The following ATG7 variants were observed in gnomAD, a reference collection of about 807,000 sequenced individuals.
ATG7 encodes the protein ubiquitin-like modifier-activating enzyme ATG7.
A neutral mutation model predicts 82.4 loss-of-function variants in ATG7; 70 were observed. The observed-to-expected ratio is 0.85, with a 90% confidence interval of 0.70 to 1.04. ATG7 has a LOEUF of 1.04. Among genes scored for constraint, ATG7 ranks in the 50% least tolerant of loss-of-function variants. The probability of loss-of-function intolerance (pLI) is 0.00; values close to 1 mark genes in which losing one functional copy is unlikely to be tolerated. For synonymous variants in ATG7, 287 were observed against 313.0 expected, an observed-to-expected ratio of 0.92 and a Z score of 0.88; for missense variants, 792 against 864.3, an observed-to-expected ratio of 0.92 and a Z score of 1.05.
chr3:11,423,098 C>T (rs923093810), intron 19 of ATG7, among the ~76,000 whole-genome samples: 7 of 152,240 alleles, frequency 4.6e-5, no homozygotes, highest in African/African-American at 1.2e-4. Context: ...ATGTGTGACT[C>T]TTCCTTTCAC....
rs982862231 is a variant in ATG7 at position 11,557,600 on chromosome 3, C to G, written c.*2757C>G. The G allele has an allele frequency of 2.8e-4, 43 of 152,662 alleles. No homozygotes were observed. Among genetic ancestry groups the G allele is most frequent in the African/African-American group, 9.9e-4 (41 of 41,462 alleles). 9.5% of individuals were successfully genotyped at this position (152,662 alleles called of 1,614,324 possible). A position where few individuals can be genotyped will look rare whatever the true frequency, so the allele number is the denominator to read the frequency against. ...AATATCAAATACCAATCTTAGAGTACAACTGTACCAGCAGTAAGTATATCT... is the reference window on the plus strand; with the variant it reads ...AATATCAAATACCAATCTTAGAGTAGAACTGTACCAGCAGTAAGTATATCT... On this transcript the variant is annotated 3_prime_UTR_variant, in exon 21 of 21. Transcript: ENST00000693202.
At chr3:11,431,935 G>A (rs1361626692) in intron 20 of ATG7, among the ~76,000 whole-genome samples, 1 of 152,220 alleles carries the variant, frequency 6.6e-6, no homozygotes, top group Non-Finnish European at 1.5e-5. Context: ...AGATTGACTA[G>A]TGCAACCCAA....
chr3:11,484,496 C>A (rs554248194), intron 20 of ATG7, among the ~76,000 whole-genome samples: 1 of 152,304 alleles, frequency 6.6e-6, no homozygotes, highest in East Asian at 1.9e-4. Context: ...TAATTTAGGA[C>A]AAAATTGGCA....
intron 18 of ATG7, among the ~76,000 whole-genome samples, chr3:11,366,976 T>TGC (rs1328888123): frequency 1.6e-5 from 2 of 127,310 alleles, no homozygotes; most frequent in African/African-American, 6.3e-5. Context: ...AAAAGCTGTG[T>TGC]GTGTGTGTGT....
At chr3:11,503,091 A>C (rs982476364) in intron 20 of ATG7, among the ~76,000 whole-genome samples, 12 of 152,132 alleles carry the variant, frequency 7.9e-5, no homozygotes, top group Non-Finnish European at 2.9e-5. Flanking sequence ...AGGCTCAAAT[A>C]CCTTCCAGGC....
intron 2 of ATG7, among the ~76,000 whole-genome samples, chr3:11,281,321 T>A (rs754852825): frequency 1.3e-5 from 2 of 152,226 alleles, no homozygotes; most frequent in Non-Finnish European, 2.9e-5. Context: ...ATCAGTATAT[T>A]ACAACATTTC....
intron 20 of ATG7, among the ~76,000 whole-genome samples, chr3:11,535,301 C>A (rs985360205): frequency 3.3e-5 from 5 of 152,220 alleles, no homozygotes; most frequent in Non-Finnish European, 7.3e-5. Context: ...ACCTGCCTGG[C>A]TGGACTGAAG....
intron 19 of ATG7, among the ~76,000 whole-genome samples, chr3:11,417,515 A>G (rs767191372): frequency 3.9e-4 from 60 of 152,238 alleles, no homozygotes; most frequent in Non-Finnish European, 4.7e-4. Flanking sequence ...TAGTGTTAGC[A>G]TGGCGTATTT....
intron 11 of ATG7, among the ~76,000 whole-genome samples, chr3:11,336,041 T>C (rs1415988859): frequency 1.4e-5 from 2 of 147,948 alleles, no homozygotes; most frequent in Non-Finnish European, 3.0e-5. Context: ...CGGTCATTTT[T>C]TTTTTTTTTT....
chr3:11,440,674 C>CATTTTTTTTTTTTTT (rs769737485), intron 20 of ATG7, among the ~76,000 whole-genome samples: 10 of 39,482 alleles, frequency 2.5e-4, no homozygotes, highest in African/African-American at 1.1e-3. Context: ...TCCCCATTTG[C>CATTTTTTTTTTTTTT]TTTTTTTTTT....
At chr3:11,339,694 C>T (rs1953196356) in intron 11 of ATG7, among the ~76,000 whole-genome samples, 1 of 152,190 alleles carries the variant, frequency 6.6e-6, no homozygotes, top group Non-Finnish European at 1.5e-5. Context: ...AATTTTGCAA[C>T]AGTAGAATAC....
chr3:11,339,176 C>G (rs751891124), intron 11 of ATG7, among the ~76,000 whole-genome samples: 5 of 151,476 alleles, frequency 3.3e-5, no homozygotes, highest in African/African-American at 4.9e-5. Context: ...GGCGCGTGTA[C>G]TCCCAGCTAC....
Position 11,475,907 on chromosome 3 carries a change from A to ACACACACC in ATG7, c.2079+48982_2079+48983insACACACCC, listed in dbSNP as rs766157655. ...CACACACACACACACACACACACACACCCCCTCCCAGAGTCCGAGCATTCT... is the reference window on the plus strand; with the variant it reads ...CACACACACACACACACACACACACACACACACCCCCCCTCCCAGAGTCCGAGCATTCT... On this transcript the variant is annotated intron_variant, in intron 20 of 20. Coordinates refer to ENST00000693202, the MANE Select transcript of ATG7 (RefSeq NM_001349232.2). 7.7e-3 allele frequency among the ~76,000 whole-genome samples: 1,125 copies of ACACACACC among 146,290 alleles called. 20 individuals carry two copies. The highest frequency in any genetic ancestry group is 0.027 in the African/African-American group (1,051 of 38,920).
chr3:11,351,296 T>G (rs1481373043), intron 14 of ATG7, among the ~76,000 whole-genome samples: 1 of 152,170 alleles, frequency 6.6e-6, no homozygotes, highest in Non-Finnish European at 1.5e-5. Context: ...GGAGCTCAGT[T>G]GCCATGAGAA....
At chr3:11,494,382 T>C (rs915528137) in intron 20 of ATG7, among the ~76,000 whole-genome samples, 4 of 152,200 alleles carry the variant, frequency 2.6e-5, no homozygotes, top group Admixed American at 2.0e-4. Context: ...TGGGTAGGCC[T>C]GATGGTTGGT....
At chr3:11,511,747 A>T (rs1305428487) in intron 20 of ATG7, among the ~76,000 whole-genome samples, 1 of 152,296 alleles carries the variant, frequency 6.6e-6, no homozygotes, top group East Asian at 1.9e-4. Flanking sequence ...CCCCGAGGGA[A>T]GGCAGCTAAG....
At chr3:11,508,574 G>C (rs961682922) in intron 20 of ATG7, among the ~76,000 whole-genome samples, 8 of 152,098 alleles carry the variant, frequency 5.3e-5, no homozygotes, top group African/African-American at 1.9e-4. Context: ...TCCTGCTTCA[G>C]CTTCCGAAGT....
intron 20 of ATG7, among the ~76,000 whole-genome samples, chr3:11,495,967 C>T (rs544147466): frequency 1.3e-5 from 2 of 152,278 alleles, no homozygotes; most frequent in East Asian, 1.9e-4. Context: ...AGGCGCGTCA[C>T]GCTAGCATTT....
At chr3:11,494,384 ATGGT>A (rs1372182921) in intron 20 of ATG7, among the ~76,000 whole-genome samples, 5 of 152,170 alleles carry the variant, frequency 3.3e-5, no homozygotes, top group Admixed American at 1.3e-4. Context: ...GGTAGGCCTG[ATGGT>A]TGGTTTTCTG....
Sources: allele counts gnomAD v4.1 joint callset (sites outside exome capture counted in the v4.1 genomes callset), GRCh38; gene constraint gnomAD v4.1.1; transcripts MANE v1.5; gene names NCBI Gene and HGNC (gene_info 2026-07-23, HGNC 2026-07-21).